RGS7: variants seen among roughly 807,000 people sequenced by gnomAD.
The protein encoded by RGS7 is regulator of G protein signaling 7, also known as regulator of G-protein signaling 7.
RGS7 carries 27 observed loss-of-function variants against 81.1 expected under a neutral mutation model. The ratio of observed to expected loss-of-function variants is 0.33; its 90% CI spans 0.25 to 0.46. The LOEUF (loss-of-function observed/expected upper bound fraction) is 0.46. Among genes scored for constraint, RGS7 ranks in the 20% least tolerant of loss-of-function variants. The probability of loss-of-function intolerance (pLI) is 1.00; values close to 1 mark genes in which losing one functional copy is unlikely to be tolerated. For missense variants in RGS7, 396 were observed against 607.4 expected, an observed-to-expected ratio of 0.65 and a Z score of 3.66; for synonymous variants, 208 against 207.7, an observed-to-expected ratio of 1.00 and a Z score of -0.01.
At chr1:240,823,147 T>C (rs1284044179) in intron 10 of RGS7, 3 of 1,161,024 alleles carry the variant, frequency 2.6e-6, no homozygotes, top group South Asian at 1.2e-5. Context: ...AATGGCCACA[T>C]TGGGGATTTC....
rs568381066 is a variant in RGS7 at position 240,842,199 on chromosome 1, A to ATTTTT, written c.610-15032_610-15028dup. Among the ~76,000 whole-genome samples, 22 of 78,710 alleles carry ATTTTT rather than the reference A, an allele frequency of 2.8e-4. 2 individuals carry two copies. Among genetic ancestry groups the ATTTTT allele is most frequent in the East Asian group, 1.5e-3 (4 of 2,592 alleles). 51.6% of individuals were successfully genotyped at this position (78,710 alleles called of 152,430 possible). A position where few individuals can be genotyped will look rare whatever the true frequency, so the allele number is the denominator to read the frequency against. On this transcript the variant is annotated intron_variant, in intron 9 of 18. Coordinates refer to ENST00000440928, the MANE Select transcript of RGS7 (RefSeq NM_001364886.1). ...TGATTTCAGATTATGTTTGTCAGGA[A>ATTTTT]TTTTTTTTTTTTTTTTTGAGACAGA...
chr1:241,081,281 TAC>T (rs2063116995), intron 3 of RGS7, among the ~76,000 whole-genome samples: 1 of 152,248 alleles, frequency 6.6e-6, no homozygotes, highest in Non-Finnish European at 1.5e-5. Flanking sequence ...CACTTTTTAG[TAC>T]AGTCTGACAT....
At chr1:240,799,966 A>G (rs559868211) in intron 18 of RGS7, among the ~76,000 whole-genome samples, 3 of 152,322 alleles carry the variant, frequency 2.0e-5, no homozygotes, top group African/African-American at 7.2e-5. Flanking sequence ...AAGGACAACC[A>G]TTTGACTTCC....
At position 241,058,110 on chromosome 1, in the gene RGS7, A is replaced by C. The variant is rs74546990; in HGVS notation, c.175+40556T>G. 5.2e-3 allele frequency among the ~76,000 whole-genome samples: 797 copies of C among 152,258 alleles called. 6 individuals are homozygous for C. The highest frequency in any genetic ancestry group is 0.019 in the Admixed American group (287 of 15,298). On this transcript the variant is annotated intron_variant, in intron 3 of 18. Transcript: ENST00000440928. ...CCATATAGATAGAAAAAGCACCTGA[A>C]ACTGGTTATCATCAGTCTCCTGATG... is the stretch of plus-strand genomic sequence containing the variant.
chr1:241,290,981 A>G (rs759027701), intron 2 of RGS7, among the ~76,000 whole-genome samples: 8 of 152,214 alleles, frequency 5.3e-5, no homozygotes, highest in Non-Finnish European at 1.0e-4. Flanking sequence ...CACACAGCCT[A>G]TTGCAGAGTG....
At chr1:241,322,499 A>T (rs2081270704) in intron 2 of RGS7, among the ~76,000 whole-genome samples, 1 of 152,242 alleles carries the variant, frequency 6.6e-6, no homozygotes, top group Admixed American at 6.5e-5. Context: ...TTTGATTCTC[A>T]TATAAAGAAA....
chr1:241,108,884 T>C (rs761088040), intron 2 of RGS7, among the ~76,000 whole-genome samples: 17 of 152,304 alleles, frequency 1.1e-4, no homozygotes, highest in Non-Finnish European at 1.0e-4. Context: ...TTAACCTTTC[T>C]GGAAGGTGTC....
intron 2 of RGS7, among the ~76,000 whole-genome samples, chr1:241,328,633 T>C (rs1367753888): frequency 1.3e-5 from 2 of 152,246 alleles, no homozygotes; most frequent in Non-Finnish European, 2.9e-5. Flanking sequence ...GCTGGTATCA[T>C]GGCTGTCTGT....
intron 2 of RGS7, among the ~76,000 whole-genome samples, chr1:241,234,275 T>C (rs532308461): frequency 2.6e-5 from 4 of 152,312 alleles, no homozygotes; most frequent in African/African-American, 7.2e-5. Flanking sequence ...TGTTTATCGA[T>C]ATCCATCTTC....
chr1:240,968,234 GT>G (rs1682647576), intron 4 of RGS7, among the ~76,000 whole-genome samples: 1 of 152,208 alleles, frequency 6.6e-6, no homozygotes, highest in African/African-American at 2.4e-5. Context: ...AAACAAATGA[GT>G]AAGCCTCAGG....
At chr1:240,829,419 G>C (rs1693416547) in intron 9 of RGS7, among the ~76,000 whole-genome samples, 1 of 152,076 alleles carries the variant, frequency 6.6e-6, no homozygotes, top group Non-Finnish European at 1.5e-5. Context: ...GTTGGTCTAA[G>C]CATTTGTTTT....
chr1:241,345,525 T>C (rs936291933), intron 2 of RGS7, among the ~76,000 whole-genome samples: 2 of 152,194 alleles, frequency 1.3e-5, no homozygotes, highest in Non-Finnish European at 2.9e-5. Context: ...ATTAACATGA[T>C]TGTATATTTA....
intron 3 of RGS7, among the ~76,000 whole-genome samples, chr1:241,043,262 G>A (rs1268123499): frequency 6.6e-6 from 1 of 151,724 alleles, no homozygotes; most frequent in African/African-American, 2.4e-5. Context: ...TAACTTAACT[G>A]GTTATATAAT....
chr1:241,108,103 G>C (rs1460553099), intron 2 of RGS7, among the ~76,000 whole-genome samples: 1 of 41,366 alleles, frequency 2.4e-5, no homozygotes, highest in Non-Finnish European at 4.1e-5. Context: ...GACCAACATG[G>C]TGAAAGCTTG....
At chr1:241,215,473 G>C (rs931763670) in intron 2 of RGS7, among the ~76,000 whole-genome samples, 2 of 152,304 alleles carry the variant, frequency 1.3e-5, no homozygotes, top group African/African-American at 4.8e-5. Flanking sequence ...CCGAATAAAT[G>C]AGCAGGTCAG....
At chr1:241,124,755 G>A (rs1025514189) in intron 2 of RGS7, among the ~76,000 whole-genome samples, 3 of 152,208 alleles carry the variant, frequency 2.0e-5, no homozygotes, top group Admixed American at 6.5e-5. Context: ...CCTGGGAGCT[G>A]AGCCAATTGT....
intron 6 of RGS7, among the ~76,000 whole-genome samples, chr1:240,878,340 T>C (rs1182762974): frequency 6.6e-6 from 1 of 152,118 alleles, no homozygotes; most frequent in Admixed American, 6.5e-5. Flanking sequence ...AGGACAGAGG[T>C]TTGCCTATTC....
At chr1:240,858,354 C>T (rs1244079782) in intron 9 of RGS7, among the ~76,000 whole-genome samples, 2 of 152,326 alleles carry the variant, frequency 1.3e-5, no homozygotes, top group Non-Finnish European at 1.5e-5. Context: ...TGCATTTCCA[C>T]CAGCAGAGAA....
chr1:241,209,075 G>A (rs566089823), intron 2 of RGS7, among the ~76,000 whole-genome samples: 5 of 152,288 alleles, frequency 3.3e-5, no homozygotes, highest in Admixed American at 3.3e-4. Flanking sequence ...ATTTACTGGT[G>A]GAGTGTCTGT....
Sources: gnomAD v4.1 joint callset for allele counts (sites outside exome capture counted in the v4.1 genomes callset) on GRCh38, gnomAD v4.1.1 for gene constraint, MANE v1.5 for transcripts, NCBI Gene and HGNC (gene_info 2026-07-23, HGNC 2026-07-21) for gene names.